The following MSRA variants were observed in gnomAD, a reference collection of about 807,000 sequenced individuals.
The protein encoded by MSRA is methionine sulfoxide reductase A, also known as mitochondrial peptide methionine sulfoxide reductase.
MSRA carries 54 observed loss-of-function variants against 31.3 expected under a neutral mutation model. The observed-to-expected ratio is 1.73, with a 90% CI of 1.39 to 2.17. The LOEUF (loss-of-function observed/expected upper bound fraction) is 2.17. MSRA is among the 30% of genes most tolerant of loss of function. The pLI is 0.00. For synonymous variants in MSRA, 169 were observed against 116.5 expected, an observed-to-expected ratio of 1.45 and a Z score of -2.90; for missense variants, 507 against 300.9, an observed-to-expected ratio of 1.69 and a Z score of -5.07.
In MSRA at chr8:10,279,106, G is replaced by T. The variant is rs1331451515; in HGVS notation, c.332-22428G>T. ...TTGTTTCCTACCATAATTTTTACCA[G>T]GCTCTGCTACTAAATGGCTGCATGA... On this transcript the variant is annotated intron_variant, in intron 3 of 5. Transcript: ENST00000317173. 1.3e-5 allele frequency among the ~76,000 whole-genome samples: 2 copies of T among 152,158 alleles called. 1 individual carries two copies. Among genetic ancestry groups the T allele is most frequent in the South Asian group, 4.2e-4 (2 of 4,812 alleles).
At chr8:10,300,642 C>A (rs559126056) in intron 3 of MSRA, among the ~76,000 whole-genome samples, 1 of 152,172 alleles carries the variant, frequency 6.6e-6, no homozygotes, top group African/African-American at 2.4e-5. Context: ...CCTCCTCGGC[C>A]TCTCAAAGTT....
At chr8:10,221,062 G>A (rs1810450482) in intron 2 of MSRA, among the ~76,000 whole-genome samples, 1 of 152,202 alleles carries the variant, frequency 6.6e-6, no homozygotes, top group South Asian at 2.1e-4. Flanking sequence ...TATGCAGTGG[G>A]ATGGCCACAT....
In MSRA at chr8:10,234,602, TAGCC is replaced by T. The variant is rs1331949475; in HGVS notation, c.212-10499_212-10496del. 2.6e-5 allele frequency among the ~76,000 whole-genome samples: 4 copies of T among 152,140 alleles called. No homozygotes were observed. The East Asian group carries it at 7.7e-4, about 29-fold the overall frequency. On this transcript the variant is annotated intron_variant, in intron 2 of 5. Transcript: ENST00000317173. The stretch of plus-strand genomic sequence containing the variant: ...ATGAGGTTATGGAAAGAAGTTTAAA[TAGCC>T]AGAGTAAATATATTAAAATTACTAA...
At chr8:10,351,547 C>T (rs560047080) in intron 5 of MSRA, among the ~76,000 whole-genome samples, 66 of 152,224 alleles carry the variant, frequency 4.3e-4, no homozygotes, top group African/African-American at 1.4e-3. Context: ...CCACTGTGCC[C>T]GGCCGAAAGT....
chr8:10,169,182 C>G (rs1021357611), intron 1 of MSRA, among the ~76,000 whole-genome samples: 1 of 152,160 alleles, frequency 6.6e-6, no homozygotes, highest in Non-Finnish European at 1.5e-5. Context: ...TGTGGCTGTG[C>G]TTGGTACTCC....
At chr8:10,295,028 G>A (rs1467474369) in intron 3 of MSRA, among the ~76,000 whole-genome samples, 2 of 152,168 alleles carry the variant, frequency 1.3e-5, no homozygotes, top group East Asian at 1.9e-4. Flanking sequence ...CTTGGCGATA[G>A]ATGAGTTTAT....
At chr8:10,272,073 A>C (rs536936347) in intron 3 of MSRA, among the ~76,000 whole-genome samples, 2 of 152,074 alleles carry the variant, frequency 1.3e-5, no homozygotes, top group Non-Finnish European at 2.9e-5. Flanking sequence ...CTATTCTCCA[A>C]CCATGGATGC....
chr8:10,208,768 C>A (rs887343258), intron 2 of MSRA, among the ~76,000 whole-genome samples: 1 of 152,220 alleles, frequency 6.6e-6, no homozygotes, highest in African/African-American at 2.4e-5. Flanking sequence ...TCTGTGATGT[C>A]TCTCATCCTA....
intron 5 of MSRA, among the ~76,000 whole-genome samples, chr8:10,402,601 G>C (rs1334692716): frequency 6.6e-6 from 1 of 152,222 alleles, no homozygotes; most frequent in East Asian, 1.9e-4. Flanking sequence ...AACAATGGCT[G>C]CTAGCTCGGG....
At chr8:10,245,865 C>T (rs1030399178) in intron 3 of MSRA, among the ~76,000 whole-genome samples, 1 of 152,206 alleles carries the variant, frequency 6.6e-6, no homozygotes, top group Non-Finnish European at 1.5e-5. Flanking sequence ...TGGGATGGCT[C>T]CCCAAAGGCA....
rs189706837 is a variant in MSRA at position 10,190,375 on chromosome 8, C to T, written c.143-17458C>T. ...TGTCCGTGGCAGTGCCCAGCATCCCCGCAGATGATTCCAAGGCCTCCTGCC... is the reference window on the plus strand; with the variant it reads ...TGTCCGTGGCAGTGCCCAGCATCCCTGCAGATGATTCCAAGGCCTCCTGCC... On this transcript the variant is annotated intron_variant, in intron 1 of 5. Transcript: ENST00000317173. 1.6e-3 allele frequency among the ~76,000 whole-genome samples: 244 copies of T among 152,306 alleles called. 1 individual carries two copies. The highest frequency in any genetic ancestry group is 5.1e-3 in the African/African-American group (212 of 41,576).
At chr8:10,096,735 A>T (rs1291689938) in intron 1 of MSRA, among the ~76,000 whole-genome samples, 2 of 152,202 alleles carry the variant, frequency 1.3e-5, no homozygotes, top group Non-Finnish European at 2.9e-5. Context: ...CTTTCCTATT[A>T]GGCCTGATTA....
At chr8:10,262,539 C>A (rs984289140) in intron 3 of MSRA, among the ~76,000 whole-genome samples, 10 of 152,104 alleles carry the variant, frequency 6.6e-5, no homozygotes, top group Non-Finnish European at 1.5e-4. Flanking sequence ...GGTGGCTATT[C>A]AGATCTTTTG....
intron 1 of MSRA, among the ~76,000 whole-genome samples, chr8:10,099,497 A>G (rs775478728): frequency 6.6e-6 from 1 of 152,230 alleles, no homozygotes; most frequent in Non-Finnish European, 1.5e-5. Flanking sequence ...CTGTTATTCC[A>G]TGTAATCCAA....
chr8:10,099,002 A>T (rs771338141), intron 1 of MSRA, among the ~76,000 whole-genome samples: 5 of 152,238 alleles, frequency 3.3e-5, no homozygotes, highest in Non-Finnish European at 5.9e-5. Context: ...TCCTGAGGCC[A>T]GCATGGCCCT....
At chr8:10,336,674 A>T (rs890012007) in intron 5 of MSRA, 4 of 152,196 alleles carry the variant, frequency 2.6e-5, no homozygotes, top group Admixed American at 6.5e-5. Flanking sequence ...TTTGATGTAG[A>T]TTCCAGAGTT....
At chr8:10,094,203 A>C (rs796190421) in intron 1 of MSRA, among the ~76,000 whole-genome samples, 4 of 152,274 alleles carry the variant, frequency 2.6e-5, no homozygotes, top group African/African-American at 9.6e-5. Context: ...TGATCTATCA[A>C]CTTTATGGTT....
At chr8:10,226,963 CT>C (rs1443979277) in intron 2 of MSRA, among the ~76,000 whole-genome samples, 4 of 152,152 alleles carry the variant, frequency 2.6e-5, no homozygotes, top group Admixed American at 1.3e-4. Context: ...GCTGGGAGAA[CT>C]GTGCTGGTCC....
chr8:10,252,071 T>C (rs989177287), intron 3 of MSRA, among the ~76,000 whole-genome samples: 2 of 152,212 alleles, frequency 1.3e-5, no homozygotes, highest in Non-Finnish European at 2.9e-5. Context: ...TTCAGCTGTA[T>C]TATATGTTGA....
Sources: gnomAD v4.1 joint callset for allele counts (sites outside exome capture counted in the v4.1 genomes callset) on GRCh38, gnomAD v4.1.1 for gene constraint, MANE v1.5 for transcripts, NCBI Gene and HGNC (gene_info 2026-07-23, HGNC 2026-07-21) for gene names.